MON2: variants seen among roughly 807,000 people sequenced by gnomAD.
The protein encoded by MON2 is MON2 regulator of endosome-to-Golgi trafficking.
Under a neutral mutation model 208.6 loss-of-function variants are expected in MON2, and 84 were observed. The ratio of observed to expected loss-of-function variants is 0.40; its 90% CI spans 0.34 to 0.48. The LOEUF is 0.48. Ranked by LOEUF, MON2 falls within the 20% of genes least tolerant of loss-of-function variation. MON2 has a pLI of 0.59. For missense variants in MON2, 1,611 were observed against 2,015.4 expected (o/e 0.80, Z 3.84); for synonymous variants, 660 against 694.0 (o/e 0.95, Z 0.77).
chr12:62,585,093 ACACACACACACAC>A (rs2075160624), intron 32 of MON2, among the ~76,000 whole-genome samples, 188 bp from the exon 33 acceptor site: 2 of 113,968 alleles, frequency 1.8e-5, no homozygotes, highest in African/African-American at 7.5e-5. Context: ...ACACACACAC[ACACACACACACAC>A]ACACAAAACA....
chr12:62,556,803 T>A (rs2073985886), intron 25 of MON2, among the ~76,000 whole-genome samples: 1 of 152,198 alleles, frequency 6.6e-6, no homozygotes, highest in Admixed American at 6.5e-5. Flanking sequence ...AGGCTGGGCA[T>A]GGTGGCTCAT....
chr12:62,559,806 C>T (rs900221306), intron 25 of MON2: 9 of 150,790 alleles, frequency 6.0e-5, no homozygotes, highest in Non-Finnish European at 1.2e-4. Flanking sequence ...TTCTGCAGCT[C>T]TAAAATAATT....
chr12:62,545,342 T>C (rs935793111), intron 21 of MON2, among the ~76,000 whole-genome samples: 4 of 152,168 alleles, frequency 2.6e-5, no homozygotes, highest in Admixed American at 6.5e-5. Context: ...GATTTTTTTT[T>C]TTTCTCACTA....
At chr12:62,489,616 T>C (rs578113971) in intron 2 of MON2, among the ~76,000 whole-genome samples, 15 of 152,218 alleles carry the variant, frequency 9.9e-5, no homozygotes, top group Admixed American at 9.2e-4. Context: ...TTTTATTTTA[T>C]GGTTTGATTT....
chr12:62,587,558 G>A (rs1052031239), intron 33 of MON2, among the ~76,000 whole-genome samples: 1 of 151,160 alleles, frequency 6.6e-6, no homozygotes, highest in Non-Finnish European at 1.5e-5. Flanking sequence ...AGCATAGCAA[G>A]CAAGACCTTG....
chr12:62,577,584 C>A (rs917126405), intron 30 of MON2, among the ~76,000 whole-genome samples: 3 of 151,916 alleles, frequency 2.0e-5, no homozygotes, highest in Admixed American at 1.3e-4. Flanking sequence ...TCAGATAAAT[C>A]TAGGTTGAGA....
chr12:62,565,686 T>C (rs543586156), intron 27 of MON2, among the ~76,000 whole-genome samples: 3 of 152,284 alleles, frequency 2.0e-5, no homozygotes, highest in Admixed American at 6.5e-5. Flanking sequence ...CTTTCTTGGT[T>C]GCCCCATCCC....
chr12:62,540,825 G>T (rs550206085), intron 19 of MON2, among the ~76,000 whole-genome samples: 2 of 152,142 alleles, frequency 1.3e-5, no homozygotes, highest in African/African-American at 4.8e-5. Flanking sequence ...TATATTTTTA[G>T]ATGGAGGCTA....
At chr12:62,516,476 G>A (rs1269042661) in intron 8 of MON2, among the ~76,000 whole-genome samples, 3 of 152,112 alleles carry the variant, frequency 2.0e-5, no homozygotes, top group African/African-American at 4.8e-5. Context: ...AGGCCAAGGC[G>A]GCCAGATCAC....
intron 6 of MON2, 90 bp downstream of exon 6, chr12:62,500,970 G>A (rs2070796191): frequency 1.9e-5 from 14 of 746,112 alleles, no homozygotes; most frequent in Non-Finnish European, 2.7e-5. Flanking sequence ...TTTTTTTAAT[G>A]TGAATTTTTT....
At chr12:62,476,319 C>CTTCGGGTCTTTTGA (rs2069079099) in intron 1 of MON2, among the ~76,000 whole-genome samples, 1 of 152,144 alleles carries the variant, frequency 6.6e-6, no homozygotes, top group South Asian at 2.1e-4. Context: ...GTACACTTGA[C>CTTCGGGTCTTTTGA]TTCGGGTCTT....
rs1565943970 is a variant in MON2, at chr12:62,467,331, TGACGTCAGGA to T, written c.111+16_111+25del. On this transcript the variant is annotated intron_variant, in intron 1 of 34. Coordinates refer to ENST00000393630, the MANE Select transcript of MON2 (RefSeq NM_015026.3). ...ACCTGTCAAAGAGGTAAGCTTCAGG[TGACGTCAGGA>T]GAAGGCACTGTGAGCATGCCTGGTC... 1.2e-6 allele frequency: 2 copies of T among 1,609,364 alleles called. No homozygotes were observed. The highest frequency in any genetic ancestry group is 1.7e-6 in the Non-Finnish European group (2 of 1,176,060).
intron 12 of MON2, 71 bp from the exon 13 acceptor site, chr12:62,534,774 A>G: frequency 9.0e-7 from 1 of 1,113,882 alleles, no homozygotes; most frequent in Admixed American, 1.8e-5. Context: ...AAAATTTTAG[A>G]ATTTCACATA....
intron 25 of MON2, among the ~76,000 whole-genome samples, chr12:62,557,962 A>ATTTTTTTTTT (rs869193690): frequency 4.8e-5 from 1 of 20,872 alleles, no homozygotes; most frequent in Non-Finnish European, 6.8e-5. Context: ...ATATATATAT[A>ATTTTTTTTTT]TTTTTTTTTT....
chr12:62,543,785 T>C (rs931148416), intron 20 of MON2, among the ~76,000 whole-genome samples: 1 of 152,130 alleles, frequency 6.6e-6, no homozygotes, highest in Non-Finnish European at 1.5e-5. Flanking sequence ...TTTTTGTATT[T>C]GTAGTAGAGA....
chr12:62,497,540 A>G (rs2070585352), intron 4 of MON2, among the ~76,000 whole-genome samples: 1 of 152,196 alleles, frequency 6.6e-6, no homozygotes, highest in Non-Finnish European at 1.5e-5. Flanking sequence ...GGCTGTAGGG[A>G]TAGTTCTAAA....
At chr12:62,557,122 GA>G (rs750154108) in intron 25 of MON2, among the ~76,000 whole-genome samples, 89 of 151,836 alleles carry the variant, frequency 5.9e-4, no homozygotes, top group Non-Finnish European at 8.0e-4. Context: ...TAAGAGCAAT[GA>G]AAAAAACTAC....
Position 62,485,822 on chromosome 12 carries a change from G to C in MON2, c.175+1589G>C, listed in dbSNP as rs562155548. Among the ~76,000 whole-genome samples the C allele has an allele frequency of 2.0e-5, 3 of 152,230 alleles. No homozygotes were observed. The East Asian group carries it at 5.8e-4, about 29-fold the overall frequency. On this transcript the variant is annotated intron_variant, in intron 2 of 34. Coordinates refer to ENST00000393630, the MANE Select transcript of MON2 (RefSeq NM_015026.3). ...GGGTTCAAGCGATTCTCCTGCCTCA[G>C]CCACCCGAGTAGCTGAGATTTCAGG...
intron 12 of MON2, among the ~76,000 whole-genome samples, chr12:62,534,553 A>ATATATATATTT (rs1555169547): frequency 5.7e-5 from 7 of 123,808 alleles, no homozygotes; most frequent in African/African-American, 2.3e-4. Context: ...ATATATATAT[A>ATATATATATTT]TATATATATA....
Sources: gnomAD v4.1 joint callset for allele counts (sites outside exome capture counted in the v4.1 genomes callset) on GRCh38, gnomAD v4.1.1 for gene constraint, MANE v1.5 for transcripts, NCBI Gene and HGNC (gene_info 2026-07-23, HGNC 2026-07-21) for gene names.